The following TNRC6A variants were observed in gnomAD, a reference collection of about 807,000 sequenced individuals.
The protein encoded by TNRC6A is trinucleotide repeat containing adaptor 6A.
In TNRC6A, 44 loss-of-function variants were observed where a neutral mutation model predicts 221.2. The observed-to-expected ratio is 0.20, with a 90% CI of 0.16 to 0.26. TNRC6A has a LOEUF of 0.26. Ranked by LOEUF, TNRC6A falls within the 10% of genes least tolerant of loss-of-function variation. The pLI, the probability that TNRC6A is intolerant of heterozygous loss-of-function variation, is 1.00. For missense variants in TNRC6A, 2,199 were observed against 2,404.4 expected (o/e 0.91, Z 1.79); for synonymous variants, 847 against 838.5 (o/e 1.01, Z -0.18).
intron 2 of TNRC6A, among the ~76,000 whole-genome samples, chr16:24,739,527 G>A (rs2056847338): frequency 7.5e-6 from 1 of 133,872 alleles, no homozygotes; most frequent in Non-Finnish European, 1.5e-5. Context: ...CGCCCAGGCT[G>A]GAGTGCAGTG....
chr16:24,687,489 C>T (rs1395611448), intron 2 of TNRC6A, among the ~76,000 whole-genome samples: 2 of 152,148 alleles, frequency 1.3e-5, no homozygotes, highest in Admixed American at 1.3e-4. Context: ...TGGCAACAAA[C>T]CTTAATAAGC....
At position 24,825,317 on chromosome 16, in the gene TNRC6A, T is replaced by A. The variant is rs914699235; in HGVS notation, c.*1510T>A. 2.0e-5 allele frequency: 3 copies of A among 152,682 alleles called. No individual in the cohort carries two copies. Among genetic ancestry groups the A allele is most frequent in the Non-Finnish European group, 2.9e-5 (2 of 68,056 alleles). 9.5% of individuals were successfully genotyped at this position (152,682 alleles called of 1,614,324 possible). On this transcript the variant is annotated 3_prime_UTR_variant, in exon 25 of 25. Coordinates refer to ENST00000395799, the MANE Select transcript of TNRC6A (RefSeq NM_014494.4). ...ATCATATCATTGCCTTGATTCTAAC[T>A]GTTTGTGTCCTAAGATGCAAAAGAA... is the stretch of plus-strand genomic sequence containing the variant.
At chr16:24,787,729 T>G (rs2058005405) in intron 5 of TNRC6A, among the ~76,000 whole-genome samples, 1 of 152,218 alleles carries the variant, frequency 6.6e-6, no homozygotes, top group Non-Finnish European at 1.5e-5. Flanking sequence ...TCATTTCCGG[T>G]CTCTCTCCAG....
intron 2 of TNRC6A, chr16:24,665,096 C>T (rs553290103): frequency 4.8e-6 from 2 of 413,794 alleles, no homozygotes; most frequent in Admixed American, 5.0e-5. Context: ...GACAAGGTCT[C>T]ACTCTGTTGC....
At chr16:24,705,937 T>C (rs2056085370) in intron 2 of TNRC6A, among the ~76,000 whole-genome samples, 1 of 152,188 alleles carries the variant, frequency 6.6e-6, no homozygotes, top group African/African-American at 2.4e-5. Flanking sequence ...TATGATTGCA[T>C]ATCTAGCCAA....
In TNRC6A at chr16:24,804,800, C is replaced by T. The variant is rs2058397001; in HGVS notation, c.3933C>T (p.Ala1311=). The T allele has an allele frequency of 6.2e-7, 1 of 1,611,998 alleles. No homozygotes were observed. The highest frequency in any genetic ancestry group is 8.5e-7 in the Non-Finnish European group (1 of 1,179,566). The part of the protein sequence containing the change: ...PPSNSALPNQ[A]LGSIAGLGMQ... ...CAAATAGTGCACTACCTAACCAGGCCCTTGGCTCCATAGCAGGGCTGGGTA... is the reference window on the plus strand; with the variant it reads ...CAAATAGTGCACTACCTAACCAGGCTCTTGGCTCCATAGCAGGGCTGGGTA... Residue 1311 remains alanine, a synonymous_variant, in exon 13 of 25, where the codon GCC becomes GCT. Transcript: ENST00000395799.
intron 5 of TNRC6A, among the ~76,000 whole-genome samples, chr16:24,782,332 CA>C (rs2057868530): frequency 6.6e-6 from 1 of 152,210 alleles, no homozygotes; most frequent in East Asian, 1.9e-4. Context: ...TGTGATATTG[CA>C]TTTGTCTTTT....
At chr16:24,759,733 G>T (rs930393247) in intron 4 of TNRC6A, among the ~76,000 whole-genome samples, 5 of 152,240 alleles carry the variant, frequency 3.3e-5, no homozygotes, top group African/African-American at 7.2e-5. Flanking sequence ...GGTCATGAGG[G>T]TTTGAACTGA....
At chr16:24,747,586 C>T (rs1294299632) in intron 2 of TNRC6A, among the ~76,000 whole-genome samples, 2 of 152,060 alleles carry the variant, frequency 1.3e-5, no homozygotes, top group African/African-American at 4.8e-5. Context: ...AAGTGAGTCT[C>T]TATGAACATT....
At chr16:24,752,553 C>T (rs1263341639) in intron 3 of TNRC6A, among the ~76,000 whole-genome samples, 1 of 152,116 alleles carries the variant, frequency 6.6e-6, no homozygotes, top group Non-Finnish European at 1.5e-5. Context: ...TCTTGGGCCT[C>T]TGTCAGAGGC....
intron 2 of TNRC6A, among the ~76,000 whole-genome samples, chr16:24,714,254 A>G (rs1435138037): frequency 1.4e-5 from 2 of 146,572 alleles, no homozygotes; most frequent in Non-Finnish European, 3.0e-5. Flanking sequence ...CTGCTATGTC[A>G]TCAGATTCAC....
chr16:24,804,715 T>C lies in TNRC6A; in HGVS notation c.3848T>C (p.Val1283Ala). 1 of 1,593,280 alleles carries C rather than the reference T, an allele frequency of 6.3e-7. No individual in the cohort carries two copies. Among genetic ancestry groups the C allele is most frequent in the Non-Finnish European group, 8.5e-7 (1 of 1,174,820 alleles). The change falls in exon 13 of 25, where the codon GTA becomes GCA. Residue 1283 changes from valine (V) to alanine (A), a missense_variant. Physicochemically the swap from Val to Ala is moderately conservative, Grantham distance 64. Transcript: ENST00000395799. ...TGTCTGTCCAATCAGGATGGCATTGTAGCAGATGAATCCCAAAACATGCAG... is the reference window on the plus strand; with the variant it reads ...TGTCTGTCCAATCAGGATGGCATTGCAGCAGATGAATCCCAAAACATGCAG... Reference protein sequence around the residue: ...RNPYFDKDGIVADESQNMQFM... With the variant: ...RNPYFDKDGIAADESQNMQFM...
intron 2 of TNRC6A, among the ~76,000 whole-genome samples, chr16:24,650,316 C>T (rs546053320): frequency 1.8e-4 from 28 of 152,282 alleles, no homozygotes; most frequent in African/African-American, 6.7e-4. Context: ...GCAATTCATA[C>T]TGTCTGGATA....
At chr16:24,786,109 T>G (rs892651369) in intron 5 of TNRC6A, among the ~76,000 whole-genome samples, 5 of 152,192 alleles carry the variant, frequency 3.3e-5, no homozygotes, top group African/African-American at 1.2e-4. Flanking sequence ...GTGGAAATTT[T>G]AAGTAAGGAA....
intron 2 of TNRC6A, among the ~76,000 whole-genome samples, chr16:24,665,491 G>A (rs2055139457): frequency 6.6e-6 from 1 of 152,064 alleles, no homozygotes; most frequent in African/African-American, 2.4e-5. Flanking sequence ...GTGTAGCCAG[G>A]GTCAAGACCC....
intron 1 of TNRC6A, among the ~76,000 whole-genome samples, chr16:24,613,667 A>G (rs1400380467): frequency 6.6e-6 from 1 of 151,886 alleles, no homozygotes; most frequent in Non-Finnish European, 1.5e-5. Flanking sequence ...AGCTGGGATT[A>G]CAAGTGTCTG....
At chr16:24,767,807 G>C (rs1391330333) in intron 4 of TNRC6A, among the ~76,000 whole-genome samples, 1 of 152,048 alleles carries the variant, frequency 6.6e-6, no homozygotes. Flanking sequence ...TAACTTTAGG[G>C]AATTAAAAAC....
rs1376683118 is a variant in TNRC6A at position 24,805,718 on chromosome 16, G to A, written c.4236G>A (p.Gln1412=). Residue 1412 remains glutamine (Q), a synonymous_variant, in exon 15 of 25, where the codon CAG becomes CAA. Transcript: ENST00000395799. ...TATCCCAGCTAAACCAGCTTTCTCAGATCTCCCAGTTACAGGTAAGCAGAG... is the reference window on the plus strand; with the variant it reads ...TATCCCAGCTAAACCAGCTTTCTCAAATCTCCCAGTTACAGGTAAGCAGAG... ...NQLSQLNQLS[Q]ISQLQRLLAQ... 1.9e-6 allele frequency: 3 copies of A among 1,614,180 alleles called. No individual in the cohort carries two copies. The highest frequency in any genetic ancestry group is 2.5e-6 in the Non-Finnish European group (3 of 1,180,030).
At chr16:24,737,864 A>G (rs886530461) in intron 2 of TNRC6A, among the ~76,000 whole-genome samples, 3 of 152,288 alleles carry the variant, frequency 2.0e-5, no homozygotes, top group African/African-American at 7.2e-5. Flanking sequence ...CACAGACGGG[A>G]GAGAATGGTA....
Sources: gnomAD v4.1 joint callset for allele counts (sites outside exome capture counted in the v4.1 genomes callset) on GRCh38, gnomAD v4.1.1 for gene constraint, MANE v1.5 for transcripts, NCBI Gene and HGNC (gene_info 2026-07-23, HGNC 2026-07-21) for gene names.